IDS: variants seen among roughly 807,000 people sequenced by gnomAD.
IDS encodes iduronate 2-sulfatase, also known as alpha-L-iduronate sulfate sulfatase.
Under a neutral mutation model 33.5 loss-of-function variants are expected in IDS, and 1 was observed. The observed-to-expected ratio is 0.03, with a 90% CI of 0.01 to 0.14. The LOEUF is 0.14. Among genes scored for constraint, IDS ranks in the 10% least tolerant of loss-of-function variants. The pLI, the probability that IDS is intolerant of heterozygous loss-of-function variation, is 1.00. For missense variants in IDS, 328 were observed against 448.0 expected, an observed-to-expected ratio of 0.73 and a Z score of 2.42; for synonymous variants, 191 against 184.4, an observed-to-expected ratio of 1.04 and a Z score of -0.29.
chrX:149,484,345 T>C (rs1557337786), intron 8 of IDS, among the ~76,000 whole-genome samples: 1 of 112,293 alleles, frequency 8.9e-6, no homozygotes, highest in African/African-American at 3.2e-5. Flanking sequence ...TTAGACGGGG[T>C]CTAGCCCTGT....
chrX:149,483,747 T>G (rs1314158435), intron 8 of IDS, among the ~76,000 whole-genome samples: 1 of 112,096 alleles, frequency 8.9e-6, no homozygotes, highest in African/African-American at 3.2e-5. Flanking sequence ...CCACCATCTA[T>G]CTCCAGAACT....
chrX:149,505,095 G>C lies in IDS; in HGVS notation c.43C>G (p.Leu15Val). ...GCGACGCAGACGGAGCTCAGAACCA[G>C]ACCCAGCCAGAGAAGGCCTCGGCCG... ...RTGRGLLWLGLVLSSVCVALG... is the reference protein window; with the variant it reads ...RTGRGLLWLGVVLSSVCVALG... The change falls in exon 1 of 9, where the codon CTG (leucine) becomes GTG (valine). Residue 15 changes from leucine (L) to valine (V), a missense_variant. Physicochemically the swap from Leu to Val is conservative, Grantham distance 32 (BLOSUM62 1). Around this residue, in one of 4 missense-constraint regions of IDS, gnomAD observed 45 missense variants for 33.6 expected, o/e 1.34. Transcript: ENST00000340855. 1 of 1,203,367 alleles carries C rather than the reference G, an allele frequency of 8.3e-7. No individual in the cohort carries two copies. Among genetic ancestry groups the C allele is most frequent in the Non-Finnish European group, 1.1e-6 (1 of 889,526 alleles).
At chrX:149,499,807 A>G (rs2089465351) in intron 4 of IDS, among the ~76,000 whole-genome samples, 1 of 111,802 alleles carries the variant, frequency 8.9e-6, no homozygotes, top group Non-Finnish European at 1.9e-5. Context: ...AATCAACTTG[A>G]TAAGGTGACA....
At chrX:149,493,944 A>C (rs1557339029) in intron 6 of IDS, among the ~76,000 whole-genome samples, 3 of 111,412 alleles carry the variant, frequency 2.7e-5, no homozygotes, top group Non-Finnish European at 5.7e-5. Flanking sequence ...CTATCCACTG[A>C]GAAATGGGGC....
chrX:149,493,881 G>A (rs1025071632), intron 6 of IDS, among the ~76,000 whole-genome samples: 2 of 111,585 alleles, frequency 1.8e-5, no homozygotes, highest in East Asian at 2.8e-4. Context: ...CACCCTGTCC[G>A]ATCCCCTACC....
chrX:149,483,737 C>T (rs1557337716), intron 8 of IDS, among the ~76,000 whole-genome samples: 1 of 112,164 alleles, frequency 8.9e-6, no homozygotes, highest in Admixed American at 9.4e-5. Context: ...GCCATCATTA[C>T]CACCATCTAT....
In IDS at chrX:149,478,853, A is replaced by G. The variant is rs782423181; in HGVS notation, c.*3893T>C. 5.3e-5 allele frequency: 6 copies of G among 112,619 alleles called. No individual in the cohort carries two copies. Among genetic ancestry groups the G allele is most frequent in the Non-Finnish European group, 9.4e-5 (5 of 53,327 alleles). 9.3% of individuals were successfully genotyped at this position (112,619 alleles called of 1,213,427 possible). ...CAGGAAAAGATACAGAAAAAAACCT[A>G]TCACACAGGAAAAGATAAATATGTT... On this transcript the variant is annotated 3_prime_UTR_variant, in exon 9 of 9. Coordinates refer to ENST00000340855, the MANE Select transcript of IDS (RefSeq NM_000202.8).
At chrX:149,498,883 C>G (rs782688071) in intron 4 of IDS, among the ~76,000 whole-genome samples, 4 of 112,540 alleles carry the variant, frequency 3.6e-5, no homozygotes, top group Admixed American at 9.4e-5. Flanking sequence ...GGCAATTCCT[C>G]AAACAGTTAA....
intron 6 of IDS, among the ~76,000 whole-genome samples, chrX:149,493,822 CAG>C (rs1557339002): frequency 9.0e-6 from 1 of 111,486 alleles, no homozygotes; most frequent in Non-Finnish European, 1.9e-5. Flanking sequence ...TTAACTTGCC[CAG>C]AGTCACACAG....
chrX:149,496,549 A>G, intron 5 of IDS, 33 bp from the exon 6 acceptor site: 1 of 1,190,963 alleles, frequency 8.4e-7, no homozygotes, highest in Non-Finnish European at 1.1e-6. Flanking sequence ...CAAAGTTGTC[A>G]CTCTTTTAGC....
chrX:149,490,370 G>T lies in IDS; in HGVS notation c.950C>A (p.Ala317Asp), dbSNP rs374576277. ...GTTGGCCAGCTGAAGATCGTCCAAA[G>T]CACTCAAGAGGCGGCCGACCTGTGT... is the stretch of plus-strand genomic sequence containing the variant. ...LDTQVGRLLSALDDLQLANST... is the reference protein window; with the variant it reads ...LDTQVGRLLSDLDDLQLANST... Residue 317 changes from alanine (A) to aspartate (D), a missense_variant, in exon 7 of 9, where the codon GCT (alanine) becomes GAT (aspartate). By Grantham distance (126) the Ala-to-Asp change is moderately radical (BLOSUM62 -2). Coordinates refer to ENST00000340855, the MANE Select transcript of IDS (RefSeq NM_000202.8). 2.8e-5 allele frequency: 34 copies of T among 1,207,730 alleles called. No individual in the cohort carries two copies. Among genetic ancestry groups the T allele is most frequent in the African/African-American group, 3.5e-5 (2 of 57,122 alleles).
intron 4 of IDS, among the ~76,000 whole-genome samples, chrX:149,499,508 T>C (rs1381997623): frequency 1.8e-5 from 2 of 111,279 alleles, no homozygotes; most frequent in Non-Finnish European, 3.8e-5. Context: ...GGCAAATCCA[T>C]GGAGACCAAA....
At chrX:149,490,100 C>T (rs1419990670) in intron 7 of IDS, among the ~76,000 whole-genome samples, 1 of 107,833 alleles carries the variant, frequency 9.3e-6, no homozygotes, top group Non-Finnish European at 1.9e-5. Flanking sequence ...AAGACCCTCC[C>T]CCACCCACCC....
At position 149,479,984 on chromosome X, in the gene IDS, G is replaced by T. The variant is rs782692139; in HGVS notation, c.*2762C>A. ...AAAAACCTCAGCCTCCTTCGGGAGG[G>T]GGGGAGCTTGGTAGTGAAAAATGGT... On this transcript the variant is annotated 3_prime_UTR_variant, in exon 9 of 9. Coordinates refer to ENST00000340855, the MANE Select transcript of IDS (RefSeq NM_000202.8). 7.4e-4 allele frequency: 196 copies of T among 265,016 alleles called. No homozygotes were observed. Among genetic ancestry groups the T allele is most frequent in the Non-Finnish European group, 9.9e-4 (148 of 150,246 alleles). 21.8% of individuals were successfully genotyped at this position (265,016 alleles called of 1,213,427 possible).
In IDS at chrX:149,482,602, G is replaced by A. The variant is rs2089301373; in HGVS notation, c.*144C>T. ...AGGTTTGGCTGTTACATATTCTCAGGCCAAATTGTTGATGCATGTTTGGAT... is the reference window on the plus strand; with the variant it reads ...AGGTTTGGCTGTTACATATTCTCAGACCAAATTGTTGATGCATGTTTGGAT... On this transcript the variant is annotated 3_prime_UTR_variant, in exon 9 of 9. Coordinates refer to ENST00000340855, the MANE Select transcript of IDS (RefSeq NM_000202.8). 1 of 977,955 alleles carries A rather than the reference G, an allele frequency of 1.0e-6. No individual in the cohort carries two copies. Among genetic ancestry groups the A allele is most frequent in the East Asian group, 3.4e-5 (1 of 29,740 alleles). 80.6% of individuals were successfully genotyped at this position (977,955 alleles called of 1,213,427 possible).
intron 7 of IDS, among the ~76,000 whole-genome samples, chrX:149,489,065 G>A (rs1208852417): frequency 2.7e-5 from 3 of 112,078 alleles, no homozygotes; most frequent in Non-Finnish European, 5.6e-5. Context: ...CCCAGGAGGG[G>A]ACTCTGAGAT....
At chrX:149,496,637 A>C in intron 5 of IDS, 121 bp from the exon 6 acceptor site, 3 of 735,458 alleles carry the variant, frequency 4.1e-6, no homozygotes, top group Non-Finnish European at 4.2e-6. Context: ...GTGGTGGCTC[A>C]CTAGCATTCC....
In IDS at chrX:149,478,087, G is replaced by A. The variant is rs1262737796; in HGVS notation, c.*4659C>T. 6 of 112,096 alleles carry A rather than the reference G, an allele frequency of 5.4e-5. No individual in the cohort carries two copies. The highest frequency in any genetic ancestry group is 9.7e-5 in the African/African-American group (3 of 30,855). The allele number at this position is 112,096 out of a possible 1,213,427, so 9.2% of individuals were successfully genotyped here. ...CTATTTGGGAGTTTATACCCAAAGC[G>A]CTTCACACAGTAAGGTATGGACAGC... On this transcript the variant is annotated 3_prime_UTR_variant, in exon 9 of 9. Coordinates refer to ENST00000340855, the MANE Select transcript of IDS (RefSeq NM_000202.8).
intron 8 of IDS, among the ~76,000 whole-genome samples, chrX:149,484,380 A>C (rs2089316976): frequency 8.9e-6 from 1 of 112,341 alleles, no homozygotes; most frequent in African/African-American, 3.2e-5. Context: ...TCAGTGGCGC[A>C]ATCTCGGCTC....
Sources: allele counts gnomAD v4.1 joint callset (sites outside exome capture counted in the v4.1 genomes callset), GRCh38; gene constraint gnomAD v4.1.1; regional missense constraint gnomAD v4.1.1; transcripts MANE v1.5; gene names NCBI Gene and HGNC (gene_info 2026-07-23, HGNC 2026-07-21).